Variants in NCKAP5 observed in about 807,000 individuals in gnomAD.
NCKAP5 encodes the protein nck-associated protein 5.
Under a neutral mutation model 167.0 loss-of-function variants are expected in NCKAP5, and 92 were observed. The ratio of observed to expected loss-of-function variants is 0.55; its 90% confidence interval spans 0.47 to 0.66. NCKAP5 has a LOEUF of 0.66. Among genes scored for constraint, NCKAP5 ranks in the 30% least tolerant of loss-of-function variants. The pLI is 0.00. For synonymous variants in NCKAP5, 891 were observed against 877.4 expected, an observed-to-expected ratio of 1.02 and a Z score of -0.27; for missense variants, 2,378 against 2,315.0, an observed-to-expected ratio of 1.03 and a Z score of -0.56.
chr2:132,791,493 C>T (rs1684066638), intron 12 of NCKAP5, among the ~76,000 whole-genome samples: 1 of 152,206 alleles, frequency 6.6e-6, no homozygotes, highest in African/African-American at 2.4e-5. Flanking sequence ...ACAGATGAAG[C>T]TCTACAAACT....
chr2:133,412,149 C>T (rs1379149708), intron 3 of NCKAP5, among the ~76,000 whole-genome samples: 4 of 152,078 alleles, frequency 2.6e-5, no homozygotes, highest in Non-Finnish European at 4.4e-5. Context: ...GGAGGTGGGG[C>T]CTTTGGGAGG....
At chr2:133,536,167 T>C (rs1199894076) in intron 2 of NCKAP5, among the ~76,000 whole-genome samples, 1 of 152,182 alleles carries the variant, frequency 6.6e-6, no homozygotes, top group Non-Finnish European at 1.5e-5. Flanking sequence ...CTATTTTTGT[T>C]TTGTTGCATT....
chr2:132,967,691 T>G (rs1244929100), intron 7 of NCKAP5, among the ~76,000 whole-genome samples: 1 of 152,172 alleles, frequency 6.6e-6, no homozygotes, highest in Non-Finnish European at 1.5e-5. Context: ...TACTGGCCAT[T>G]TGCTGATCTA....
At chr2:133,617,901 C>T in the NCKAP5 span, among the ~76,000 whole-genome samples, 1 of 151,980 alleles carries the variant, frequency 6.6e-6, no homozygotes, top group Non-Finnish European at 1.5e-5. Flanking sequence ...TGACTTCAAA[C>T]TATACTACAA....
chr2:132,865,435 A>G (rs572043988), intron 10 of NCKAP5, among the ~76,000 whole-genome samples: 1 of 152,286 alleles, frequency 6.6e-6, no homozygotes, highest in African/African-American at 2.4e-5. Context: ...GAAATTGGGG[A>G]ATTTGGGAGT....
chr2:133,158,747 TTTAGA>T (rs1301003487), intron 5 of NCKAP5, among the ~76,000 whole-genome samples: 1 of 152,138 alleles, frequency 6.6e-6, no homozygotes, highest in Non-Finnish European at 1.5e-5. Context: ...CCAAATATAA[TTTAGA>T]TTAGCCACTG....
At chr2:132,803,190 T>C (rs891245360) in intron 11 of NCKAP5, among the ~76,000 whole-genome samples, 3 of 152,194 alleles carry the variant, frequency 2.0e-5, no homozygotes, top group Admixed American at 1.3e-4. Context: ...CCAAATGTTC[T>C]CCTAGAGACC....
chr2:133,613,888 CT>C, the NCKAP5 span, among the ~76,000 whole-genome samples: 2 of 152,184 alleles, frequency 1.3e-5, no homozygotes, highest in African/African-American at 4.8e-5. Context: ...AACAGTACTC[CT>C]TTTCCTTGTG....
rs180985952 is a variant in NCKAP5, at chr2:133,179,205, C to T, written c.207+34511G>A. On this transcript the variant is annotated intron_variant, in intron 5 of 19. Transcript: ENST00000409261. Reference sequence around the variant, plus strand: ...GGTTGAGTATACCTTATTTAAAAGGCTTGGAACCAGAATTGTTTCAGATTT... The same window carrying T: ...GGTTGAGTATACCTTATTTAAAAGGTTTGGAACCAGAATTGTTTCAGATTT... Among the ~76,000 whole-genome samples, 976 of 149,718 alleles carry T rather than the reference C, an allele frequency of 6.5e-3. 6 individuals are homozygous for T. Among genetic ancestry groups the T allele is most frequent in the Middle Eastern group, 0.031 (9 of 288 alleles).
At chr2:132,855,972 G>A (rs1403573508) in intron 11 of NCKAP5, among the ~76,000 whole-genome samples, 1 of 152,118 alleles carries the variant, frequency 6.6e-6, no homozygotes, top group East Asian at 1.9e-4. Flanking sequence ...AGACCATCCT[G>A]GCTAACACAG....
intron 4 of NCKAP5, among the ~76,000 whole-genome samples, chr2:133,231,852 T>C (rs1277521335): frequency 1.3e-5 from 2 of 152,168 alleles, no homozygotes; most frequent in Non-Finnish European, 2.9e-5. Context: ...AAATGGAACA[T>C]GTAAATTGCT....
chr2:133,649,425 A>G, the NCKAP5 span, among the ~76,000 whole-genome samples: 1 of 151,784 alleles, frequency 6.6e-6, no homozygotes, highest in Non-Finnish European at 1.5e-5. Flanking sequence ...GAGAAAGACA[A>G]CACAAAAAAA....
chr2:133,332,230 C>G (rs1285656371), intron 3 of NCKAP5, among the ~76,000 whole-genome samples: 1 of 152,128 alleles, frequency 6.6e-6, no homozygotes, highest in African/African-American at 2.4e-5. Flanking sequence ...TTTAAATGCA[C>G]CTTTTTCTTC....
intron 3 of NCKAP5, among the ~76,000 whole-genome samples, chr2:133,348,164 C>T (rs1012499920): frequency 6.6e-6 from 1 of 152,168 alleles, no homozygotes; most frequent in Non-Finnish European, 1.5e-5. Flanking sequence ...TGAGTGTCTG[C>T]CGCTCAAGTT....
At chr2:133,249,823 G>A (rs968572380) in intron 4 of NCKAP5, among the ~76,000 whole-genome samples, 1 of 152,064 alleles carries the variant, frequency 6.6e-6, no homozygotes, top group Admixed American at 6.5e-5. Flanking sequence ...TTTGGGAAGG[G>A]CCCTAACCTA....
At chr2:132,722,282 C>T (rs1689997091) in intron 19 of NCKAP5, among the ~76,000 whole-genome samples, 1 of 152,290 alleles carries the variant, frequency 6.6e-6, no homozygotes, top group East Asian at 1.9e-4. Flanking sequence ...ACCATCCTCC[C>T]CCTCCATTCC....
chr2:132,784,254 A>T lies in NCKAP5; in HGVS notation c.2557T>A (p.Ser853Thr), dbSNP rs1456933149. The T allele has an allele frequency of 6.2e-7, 1 of 1,608,986 alleles. No individual in the cohort carries two copies. The highest frequency in any genetic ancestry group is 1.1e-5 in the South Asian group (1 of 90,270). Reference protein sequence around the residue: ...KLSRFMKTESSGPLFELRSDP... With the variant: ...KLSRFMKTESTGPLFELRSDP... ...GATCGTAATTCAAAGAGGGGCCCTG[A>T]GCTCTCAGTCTTCATGAATCGTGAG... The change falls in exon 14 of 20, where the codon TCA (serine) becomes ACA (threonine). Residue 853 changes from serine to threonine, a missense_variant. Around this residue, in one of 3 missense-constraint regions of NCKAP5, gnomAD observed 1,049 missense variants for 1,023.4 expected, o/e 1.02. Coordinates refer to ENST00000409261, the MANE Select transcript of NCKAP5 (RefSeq NM_207363.3).
intron 11 of NCKAP5, among the ~76,000 whole-genome samples, chr2:132,830,083 T>G (rs2105361306): frequency 6.6e-6 from 1 of 152,284 alleles, no homozygotes; most frequent in East Asian, 1.9e-4. Flanking sequence ...TTATTCTGGG[T>G]CCCATCTACC....
intron 5 of NCKAP5, among the ~76,000 whole-genome samples, chr2:133,157,839 T>C (rs1337798103): frequency 6.6e-6 from 1 of 152,202 alleles, no homozygotes; most frequent in Non-Finnish European, 1.5e-5. Flanking sequence ...AATGTTTTCA[T>C]TAAAAAATCC....
Sources: allele counts gnomAD v4.1 joint callset (sites outside exome capture counted in the v4.1 genomes callset), GRCh38; gene constraint gnomAD v4.1.1; regional missense constraint gnomAD v4.1.1; transcripts MANE v1.5; gene names NCBI Gene and HGNC (gene_info 2026-07-23, HGNC 2026-07-21).